The following MAP3K20 variants were observed in gnomAD, a reference collection of about 807,000 sequenced individuals.
MAP3K20 encodes mitogen-activated protein kinase kinase kinase 20, also known as HCCS-4.
In MAP3K20, 40 loss-of-function variants were observed where a neutral mutation model predicts 85.7. That is an observed-to-expected ratio of 0.47 (90% CI 0.36 to 0.61). The LOEUF (loss-of-function observed/expected upper bound fraction) is 0.61, where lower values mean the gene tolerates loss of function less well. Among genes scored for constraint, MAP3K20 ranks in the 20% least tolerant of loss-of-function variants. The probability of loss-of-function intolerance (pLI) is 0.00; values close to 1 mark genes in which losing one functional copy is unlikely to be tolerated. For synonymous variants in MAP3K20, 325 were observed against 327.7 expected (o/e 0.99, Z 0.09); for missense variants, 817 against 961.7 (o/e 0.85, Z 1.99).
chr2:173,153,705 A>G (rs938212643), intron 2 of MAP3K20, among the ~76,000 whole-genome samples: 1 of 152,194 alleles, frequency 6.6e-6, no homozygotes, highest in Non-Finnish European at 1.5e-5. Context: ...GATTTGTCCT[A>G]GGATTTCCTA....
At chr2:173,076,369 G>T (rs1050551035) in intron 1 of MAP3K20, among the ~76,000 whole-genome samples, 5 of 152,132 alleles carry the variant, frequency 3.3e-5, no homozygotes, top group Admixed American at 2.0e-4. Flanking sequence ...GTGCGGCACG[G>T]GCAGGGGCTC....
chr2:173,149,300 A>G (rs566098941), intron 2 of MAP3K20, among the ~76,000 whole-genome samples: 4 of 152,328 alleles, frequency 2.6e-5, no homozygotes, highest in South Asian at 4.1e-4. Flanking sequence ...AGACATGACA[A>G]CTAAATGCAG....
intron 2 of MAP3K20, among the ~76,000 whole-genome samples, chr2:173,103,508 T>C (rs933063794): frequency 1.3e-5 from 2 of 152,232 alleles, no homozygotes; most frequent in Non-Finnish European, 2.9e-5. Context: ...GATTTAAGAT[T>C]ATTAGCAGAT....
intron 1 of MAP3K20, among the ~76,000 whole-genome samples, chr2:173,090,269 A>G (rs1385143514): frequency 3.9e-5 from 6 of 152,184 alleles, no homozygotes; most frequent in African/African-American, 1.4e-4. Flanking sequence ...GATCACTAGA[A>G]TAATCTCTGG....
chr2:173,232,245 T>G (rs200139157), intron 13 of MAP3K20, 23 bp downstream of exon 13: 1 of 1,614,244 alleles, frequency 6.2e-7, no homozygotes, highest in Admixed American at 1.7e-5. Flanking sequence ...AGTTACCTTC[T>G]TCAATCATGG....
chr2:173,162,486 G>A (rs1689687956), intron 2 of MAP3K20, among the ~76,000 whole-genome samples: 1 of 152,060 alleles, frequency 6.6e-6, no homozygotes, highest in Non-Finnish European at 1.5e-5. Context: ...AGGAGTTTGA[G>A]ACCAGCCTGG....
chr2:173,120,929 G>T (rs368079104), intron 2 of MAP3K20, among the ~76,000 whole-genome samples: 7 of 151,392 alleles, frequency 4.6e-5, no homozygotes, highest in Admixed American at 4.6e-4. Flanking sequence ...GGATGGTCTC[G>T]ATCTCCTGAC....
intron 8 of MAP3K20, among the ~76,000 whole-genome samples, chr2:173,199,441 A>G (rs1056669410): frequency 2.3e-4 from 35 of 152,236 alleles, no homozygotes; most frequent in Non-Finnish European, 4.4e-5. Context: ...CTCATGTGCT[A>G]TTAAATAAGA....
At chr2:173,084,796 A>G (rs1035059105) in intron 1 of MAP3K20, among the ~76,000 whole-genome samples, 2 of 152,242 alleles carry the variant, frequency 1.3e-5, no homozygotes, top group African/African-American at 2.4e-5. Flanking sequence ...CATTAATTGC[A>G]TGTATACCAT....
intron 2 of MAP3K20, among the ~76,000 whole-genome samples, chr2:173,121,488 G>C (rs1047899888): frequency 1.3e-5 from 2 of 151,992 alleles, no homozygotes; most frequent in African/African-American, 4.8e-5. Flanking sequence ...CCGGGTTCAC[G>C]CCATTCTCCT....
intron 11 of MAP3K20, chr2:173,226,655 G>A: frequency 1.0e-6 from 1 of 985,804 alleles, no homozygotes; most frequent in Non-Finnish European, 1.2e-6. Flanking sequence ...GAGCTTTCTG[G>A]CATGTGATTA....
chr2:173,243,027 C>T (rs1358166677), intron 16 of MAP3K20, among the ~76,000 whole-genome samples: 2 of 152,094 alleles, frequency 1.3e-5, no homozygotes. Flanking sequence ...TTTATCTATT[C>T]ATTTGGCAGG....
At chr2:173,223,384 A>T in intron 11 of MAP3K20, 18 of 917,916 alleles carry the variant, frequency 2.0e-5, no homozygotes, top group Non-Finnish European at 2.3e-5. Flanking sequence ...GGATTAAAAG[A>T]AATAATATAT....
chr2:173,110,785 A>T (rs1289510279), intron 2 of MAP3K20, among the ~76,000 whole-genome samples: 7 of 152,296 alleles, frequency 4.6e-5, no homozygotes, highest in Non-Finnish European at 4.4e-5. Context: ...GTAGTATTCC[A>T]TCATATATAT....
At chr2:173,200,736 C>T (rs568647341) in intron 8 of MAP3K20, among the ~76,000 whole-genome samples, 4 of 152,056 alleles carry the variant, frequency 2.6e-5, no homozygotes, top group Non-Finnish European at 5.9e-5. Context: ...GTCAAGGCTG[C>T]CACCATTATC....
intron 2 of MAP3K20, 104 bp downstream of exon 2, chr2:173,091,294 C>G: frequency 8.6e-7 from 1 of 1,168,622 alleles, no homozygotes; most frequent in Non-Finnish European, 1.2e-6. Context: ...CTAGCAAGGC[C>G]TTTGGGACTG....
At chr2:173,134,184 A>G (rs1688704177) in intron 2 of MAP3K20, among the ~76,000 whole-genome samples, 1 of 145,382 alleles carries the variant, frequency 6.9e-6, no homozygotes. Context: ...CCTTGTTTTC[A>G]ATAGCTATCT....
At chr2:173,221,507 A>G in intron 11 of MAP3K20, 1 of 1,594,348 alleles carries the variant, frequency 6.3e-7, no homozygotes, top group Non-Finnish European at 8.6e-7. Flanking sequence ...GGAGGAGGAT[A>G]ATGACATGGA....
chr2:173,176,608 T>C (rs1690168389), intron 3 of MAP3K20, among the ~76,000 whole-genome samples: 1 of 152,108 alleles, frequency 6.6e-6, no homozygotes, highest in Admixed American at 6.5e-5. Context: ...AAATTTTTTA[T>C]TGCAAAAGAG....
Sources: gnomAD v4.1 joint callset for allele counts (sites outside exome capture counted in the v4.1 genomes callset) on GRCh38, gnomAD v4.1.1 for gene constraint, MANE v1.5 for transcripts, NCBI Gene and HGNC (gene_info 2026-07-23, HGNC 2026-07-21) for gene names.